The following PTPN5 variants were observed in gnomAD, a reference collection of about 807,000 sequenced individuals.
PTPN5 encodes the protein protein tyrosine phosphatase non-receptor type 5, also known as tyrosine-protein phosphatase non-receptor type 5.
PTPN5 carries 29 observed loss-of-function variants against 73.9 expected under a neutral mutation model. That is an observed-to-expected ratio of 0.39 (90% CI 0.29 to 0.54). The LOEUF is 0.54. PTPN5 is among the 20% of genes least tolerant of loss of function. PTPN5 has a pLI of 0.65. For missense variants in PTPN5, 652 were observed against 751.4 expected (o/e 0.87, Z 1.55); for synonymous variants, 267 against 304.7 (o/e 0.88, Z 1.29).
At chr11:18,772,546 T>G (rs1850951230) in intron 1 of PTPN5, among the ~76,000 whole-genome samples, 1 of 152,180 alleles carries the variant, frequency 6.6e-6, no homozygotes, top group South Asian at 2.1e-4. Flanking sequence ...GCTTGGGATG[T>G]GCCCAGACAA....
At chr11:18,738,106 G>T in intron 8 of PTPN5, 142 bp from the exon 9 acceptor site, 2 of 695,462 alleles carry the variant, frequency 2.9e-6, no homozygotes, top group South Asian at 3.3e-5. Flanking sequence ...TATTAAGAGA[G>T]TTAGTGCTCA....
intron 3 of PTPN5, among the ~76,000 whole-genome samples, chr11:18,764,279 T>C (rs1850532049): frequency 6.6e-6 from 1 of 152,228 alleles, no homozygotes. Context: ...TTAATTTCAA[T>C]GCCTTGGGCT....
intron 1 of PTPN5, among the ~76,000 whole-genome samples, chr11:18,780,593 A>G (rs1409406656): frequency 6.6e-6 from 1 of 152,124 alleles, no homozygotes; most frequent in African/African-American, 2.4e-5. Context: ...CTCCTCCAGG[A>G]AACCTCCCTA....
At chr11:18,767,180 T>C (rs1209095135) in intron 2 of PTPN5, among the ~76,000 whole-genome samples, 1 of 152,250 alleles carries the variant, frequency 6.6e-6, no homozygotes, top group Non-Finnish European at 1.5e-5. Context: ...CCCCAAGTCC[T>C]GCTATCCTGC....
At chr11:18,734,347 G>C (rs1849022843) in intron 9 of PTPN5, among the ~76,000 whole-genome samples, 1 of 152,096 alleles carries the variant, frequency 6.6e-6, no homozygotes, top group African/African-American at 2.4e-5. Flanking sequence ...CATAGTAAAA[G>C]GGTCTCTGTC....
chr11:18,757,792 T>C (rs950392052), intron 3 of PTPN5, among the ~76,000 whole-genome samples: 10 of 152,216 alleles, frequency 6.6e-5, no homozygotes, highest in Admixed American at 1.3e-4. Flanking sequence ...ACCTGGCTTT[T>C]AAACTCCCTA....
chr11:18,775,450 T>C (rs900517890), intron 1 of PTPN5, among the ~76,000 whole-genome samples: 1 of 152,194 alleles, frequency 6.6e-6, no homozygotes, highest in Admixed American at 6.5e-5. Flanking sequence ...CCTGTGTCCT[T>C]GCTTGGGATC....
At chr11:18,769,954 C>T (rs958202142) in intron 2 of PTPN5, among the ~76,000 whole-genome samples, 1 of 152,124 alleles carries the variant, frequency 6.6e-6, no homozygotes, top group Non-Finnish European at 1.5e-5. Context: ...CCCTCTTCCA[C>T]TTGATCATGT....
Position 18,732,574 on chromosome 11 carries a change from C to T in PTPN5, c.1329+18G>A. The T allele has an allele frequency of 6.3e-7, 1 of 1,598,426 alleles. No individual in the cohort carries two copies. Among genetic ancestry groups the T allele is most frequent in the Non-Finnish European group, 8.6e-7 (1 of 1,166,548 alleles). On this transcript the variant is annotated intron_variant, in intron 12 of 14. Coordinates refer to ENST00000358540, the MANE Select transcript of PTPN5 (RefSeq NM_006906.2). ...TACACTCATCCTCAGCTTCACCCAG[C>T]CCTGCCCCAGGCCTCACCTTGAGGG...
intron 2 of PTPN5, among the ~76,000 whole-genome samples, chr11:18,771,015 G>A (rs1421126904): frequency 1.3e-5 from 2 of 152,166 alleles, no homozygotes; most frequent in African/African-American, 4.8e-5. Context: ...CAGGACTTAT[G>A]CAGAGAAAGA....
rs1168728753 is a variant in PTPN5, at chr11:18,729,547, C to T, written c.1510G>A (p.Gly504Ser). 1.3e-6 allele frequency: 2 copies of T among 1,597,386 alleles called. No homozygotes were observed. The highest frequency in any genetic ancestry group is 1.3e-5 in the African/African-American group (1 of 74,838). ...VHCSAGIGRT[G>S]CFIATSICCQ... ...CAGATGCTGGTGGCAATGAAGCAGC[C>T]GGTCCTCCCAATCCCTGCACTGAGG... The change falls in exon 14 of 15, where the codon GGC becomes AGC. Residue 504 changes from glycine (G) to serine (S), a missense_variant. By Grantham distance (56) the Gly-to-Ser change is moderately conservative (BLOSUM62 0). Around this residue, in one of 3 missense-constraint regions of PTPN5, gnomAD observed 102 missense variants for 160.5 expected, o/e 0.64. Transcript: ENST00000358540. The surrounding 1 kb of genome is among the most constrained non-coding windows in gnomAD (Gnocchi z 5.2).
intron 2 of PTPN5, among the ~76,000 whole-genome samples, chr11:18,770,371 A>C (rs538442017): frequency 9.9e-5 from 15 of 152,218 alleles, no homozygotes; most frequent in African/African-American, 2.9e-4. Context: ...TATTCTGGAT[A>C]TTTCATATAA....
chr11:18,768,964 A>G (rs1259777040), intron 2 of PTPN5, among the ~76,000 whole-genome samples: 2 of 152,086 alleles, frequency 1.3e-5, no homozygotes, highest in Admixed American at 6.5e-5. Context: ...GGCAACAGGA[A>G]CAGAACACTG....
chr11:18,734,916 T>G (rs1002540710), intron 9 of PTPN5, among the ~76,000 whole-genome samples: 1 of 152,218 alleles, frequency 6.6e-6, no homozygotes, highest in South Asian at 2.1e-4. Context: ...ATTAAGAGTC[T>G]ACACCGCTGA....
intron 3 of PTPN5, among the ~76,000 whole-genome samples, chr11:18,751,036 C>T (rs567248286): frequency 1.3e-5 from 2 of 152,218 alleles, no homozygotes; most frequent in South Asian, 4.1e-4. Context: ...CTGAGAAGGG[C>T]GGAGTGGTGG....
At position 18,743,443 on chromosome 11, in the gene PTPN5, G is replaced by A. The variant is rs780778222; in HGVS notation, c.292-14C>T. 2 of 1,611,324 alleles carry A rather than the reference G, an allele frequency of 1.2e-6. No individual in the cohort carries two copies. Among genetic ancestry groups the A allele is most frequent in the Non-Finnish European group, 1.7e-6 (2 of 1,177,430 alleles). Reference sequence around the variant, plus strand: ...CCCACAGGCAAGCTGGGGCACAGGGGAGCAGGCTGAGTATGGAGCCGGCCC... The same window carrying A: ...CCCACAGGCAAGCTGGGGCACAGGGAAGCAGGCTGAGTATGGAGCCGGCCC... On this transcript the variant is annotated splice_polypyrimidine_tract_variant and intron_variant, in intron 4 of 14. Transcript: ENST00000358540.
In PTPN5 at chr11:18,729,603, G is replaced by T; in HGVS notation, c.1491-37C>A. Reference sequence around the variant, plus strand: ...GGGGACCGGTGGGGTGAGGGGCAGGGCAGCCCAGCGGGTGGGGGGCTGCCC... The same window carrying T: ...GGGGACCGGTGGGGTGAGGGGCAGGTCAGCCCAGCGGGTGGGGGGCTGCCC... On this transcript the variant is annotated intron_variant, in intron 13 of 14. Transcript: ENST00000358540. The surrounding 1 kb of genome is among the most constrained non-coding windows in gnomAD (Gnocchi z 5.2). 2 of 1,567,242 alleles carry T rather than the reference G, an allele frequency of 1.3e-6. No individual in the cohort carries two copies. The highest frequency in any genetic ancestry group is 1.7e-6 in the Non-Finnish European group (2 of 1,153,850).
At chr11:18,760,792 A>G (rs938651615) in intron 3 of PTPN5, among the ~76,000 whole-genome samples, 7 of 152,218 alleles carry the variant, frequency 4.6e-5, no homozygotes, top group Non-Finnish European at 8.8e-5. Context: ...GGCACTCCCC[A>G]TGAGCAGAGA....
intron 3 of PTPN5, among the ~76,000 whole-genome samples, chr11:18,744,546 C>G (rs1277819825): frequency 1.5e-5 from 2 of 134,166 alleles, no homozygotes; most frequent in Non-Finnish European, 3.4e-5. Flanking sequence ...AAAGAAGCAG[C>G]AGCAGGAAAA....
Sources: gnomAD v4.1 joint callset for allele counts (sites outside exome capture counted in the v4.1 genomes callset) on GRCh38, gnomAD v4.1.1 for gene constraint, gnomAD v4.1.1 regional missense constraint, Gnocchi (gnomAD v3.1) non-coding constraint, MANE v1.5 for transcripts, NCBI Gene and HGNC (gene_info 2026-07-23, HGNC 2026-07-21) for gene names.